The following FIRRM variants were observed in gnomAD, a reference collection of about 807,000 sequenced individuals.
The protein encoded by FIRRM is FIGNL1 interacting regulator of recombination and mitosis.
the FIRRM span, among the ~76,000 whole-genome samples, chr1:169,813,990 A>C: frequency 6.6e-6 from 1 of 152,196 alleles, no homozygotes; most frequent in African/African-American, 2.4e-5. Context: ...AGAATGACTC[A>C]ATTTTTGTAA....
the FIRRM span, chr1:169,852,987 A>AAACTT: frequency 4.3e-6 from 7 of 1,613,598 alleles, no homozygotes; most frequent in South Asian, 2.2e-5. Flanking sequence ...CTCTAGGGTG[A>AAACTT]AACTTATCAC....
chr1:169,852,753 A>C, the FIRRM span: 1 of 1,596,202 alleles, frequency 6.3e-7, no homozygotes, highest in Non-Finnish European at 8.6e-7. Context: ...TTATATTTAG[A>C]ATGGATATTG....
chr1:169,834,320 A>G, the FIRRM span, among the ~76,000 whole-genome samples: 4 of 152,230 alleles, frequency 2.6e-5, no homozygotes, highest in Non-Finnish European at 5.9e-5. Flanking sequence ...GAAAACCTGA[A>G]TCTGCATACC....
chr1:169,789,506 G>A, the FIRRM span, among the ~76,000 whole-genome samples: 1 of 152,204 alleles, frequency 6.6e-6, no homozygotes, highest in Non-Finnish European at 1.5e-5. Flanking sequence ...TGTGGGACAT[G>A]AAAACTGGAA....
the FIRRM span, chr1:169,837,250 A>G: frequency 1.7e-6 from 1 of 592,718 alleles, no homozygotes; most frequent in Non-Finnish European, 2.6e-6. Context: ...TAAGATTTTC[A>G]GATTTCTTCA....
the FIRRM span, chr1:169,842,603 A>C: frequency 1.3e-6 from 2 of 1,573,614 alleles, no homozygotes; most frequent in Non-Finnish European, 1.7e-6. Context: ...AGAGGATTGT[A>C]CTGAAATTTT....
the FIRRM span, chr1:169,852,064 G>A: frequency 7.6e-7 from 1 of 1,310,214 alleles, no homozygotes; most frequent in Admixed American, 1.9e-5. Flanking sequence ...ATCTAGACAT[G>A]TAAAATTCTG....
chr1:169,827,024 ATGAG>A, the FIRRM span: 2 of 1,605,118 alleles, frequency 1.2e-6, no homozygotes, highest in African/African-American at 2.7e-5. Context: ...CTATTAATGA[ATGAG>A]TTTTTTTTCT....
the FIRRM span, among the ~76,000 whole-genome samples, chr1:169,787,423 C>G: frequency 3.9e-5 from 6 of 152,168 alleles, no homozygotes. Context: ...ATCTCCCTCC[C>G]TGGTAGTGTC....
the FIRRM span, chr1:169,849,487 T>G: frequency 1.3e-6 from 2 of 1,593,094 alleles, no homozygotes; most frequent in Non-Finnish European, 1.7e-6. Flanking sequence ...ATAATAAGGC[T>G]TGGTTCTTTT....
At chr1:169,849,737 T>C in the FIRRM span, 1 of 672,372 alleles carries the variant, frequency 1.5e-6, no homozygotes, top group Non-Finnish European at 2.5e-6. Context: ...GGTACATTAC[T>C]CGTTATCTCT....
the FIRRM span, among the ~76,000 whole-genome samples, chr1:169,812,635 A>G: frequency 6.6e-6 from 1 of 152,134 alleles, no homozygotes; most frequent in Non-Finnish European, 1.5e-5. Context: ...AGGTGGGCAG[A>G]TTGCTTGAGC....
At chr1:169,848,940 C>T in the FIRRM span, among the ~76,000 whole-genome samples, 4 of 152,184 alleles carry the variant, frequency 2.6e-5, no homozygotes, top group South Asian at 4.1e-4. Context: ...GGAAAGATTA[C>T]GTTTTTGCTG....
chr1:169,833,734 G>C, the FIRRM span, among the ~76,000 whole-genome samples: 1 of 151,804 alleles, frequency 6.6e-6, no homozygotes, highest in Non-Finnish European at 1.5e-5. Flanking sequence ...CCCTCTAAGA[G>C]CACGGGGAGC....
At chr1:169,798,868 G>A in the FIRRM span, 1 of 1,095,740 alleles carries the variant, frequency 9.1e-7, no homozygotes, top group Non-Finnish European at 1.2e-6. Flanking sequence ...TTTGTTCTGA[G>A]TAATGAATAC....
the FIRRM span, chr1:169,803,179 A>T: frequency 4.3e-6 from 7 of 1,613,336 alleles, no homozygotes; most frequent in South Asian, 7.7e-5. Flanking sequence ...ACAATGGTGC[A>T]GCTCTTAGGA....
chr1:169,811,652 CTAGATAGATAGA>C, the FIRRM span, among the ~76,000 whole-genome samples: 1 of 150,540 alleles, frequency 6.6e-6, no homozygotes, highest in Non-Finnish European at 1.5e-5. Context: ...GAGAGCTTGT[CTAGATAGATAGA>C]TAGATAGATA....
chr1:169,841,022 T>G, the FIRRM span, among the ~76,000 whole-genome samples: 1 of 152,222 alleles, frequency 6.6e-6, no homozygotes, highest in African/African-American at 2.4e-5. Flanking sequence ...ATCCTTGTCT[T>G]GTTCCATTTC....
At chr1:169,804,175 T>C in the FIRRM span, 1 of 1,601,246 alleles carries the variant, frequency 6.2e-7, no homozygotes, top group South Asian at 1.1e-5. Flanking sequence ...TTAATGGAAC[T>C]GCTGGACATG....
Sources: allele counts gnomAD v4.1 joint callset (sites outside exome capture counted in the v4.1 genomes callset), GRCh38; gene constraint gnomAD v4.1.1; transcripts MANE v1.5; gene names NCBI Gene and HGNC (gene_info 2026-07-23, HGNC 2026-07-21).